The following CPN2 variants were observed in gnomAD, a reference collection of about 807,000 sequenced individuals.
CPN2 encodes carboxypeptidase N subunit 2.
For synonymous variants in CPN2, 336 were observed against 318.4 expected, an observed-to-expected ratio of 1.06 and a Z score of -0.59; for missense variants, 620 against 671.4, an observed-to-expected ratio of 0.92 and a Z score of 0.85.
At position 194,342,135 on chromosome 3, in the gene CPN2, G is replaced by A. The variant is rs112541673; in HGVS notation, c.568C>T (p.His190Tyr). The A allele has an allele frequency of 6.8e-6, 11 of 1,614,114 alleles. No individual in the cohort carries two copies. The African/African-American group carries it at 1.2e-4, about 18-fold the overall frequency. ...AGGGTCTGCAGGCTGGTGAGTGGGT[G>A]GAACAGCTCCTCCGGGAGCTGGGCC... ...LLAQLPEELF[H>Y]PLTSLQTLKL... Residue 190 changes from histidine to tyrosine, a missense_variant, in exon 2 of 2, where the codon CAC becomes TAC. His to Tyr is a moderately conservative substitution (Grantham distance 83). Coordinates refer to ENST00000323830, the MANE Select transcript of CPN2 (RefSeq NM_001080513.4).
Position 194,341,747 on chromosome 3 carries a change from A to G in CPN2, c.956T>C (p.Met319Thr), listed in dbSNP as rs1404745398. 2 of 1,614,114 alleles carry G rather than the reference A, an allele frequency of 1.2e-6. No homozygotes were observed. The highest frequency in any genetic ancestry group is 2.2e-5 in the South Asian group (2 of 91,084). The change falls in exon 2 of 2, where the codon ATG becomes ACG. Residue 319 changes from methionine to threonine, a missense_variant. Transcript: ENST00000323830. ...FAHLSNLRSLMLSYNAITHLP... is the reference protein window; with the variant it reads ...FAHLSNLRSLTLSYNAITHLP... ...GTGGGTAATGGCATTGTATGAGAGC[A>G]TGAGGGAACGCAGGTTGGACAGGTG...
At chr3:194,345,511 C>G (rs1260894997) in intron 1 of CPN2, among the ~76,000 whole-genome samples, 1 of 152,172 alleles carries the variant, frequency 6.6e-6, no homozygotes, top group East Asian at 1.9e-4. Flanking sequence ...TTTTACCATG[C>G]CATAATATGA....
chr3:194,347,772 T>TCTGCCCAGTTCAGCCCACCCCATCTG (rs1713104920), intron 1 of CPN2, among the ~76,000 whole-genome samples: 1 of 32,928 alleles, frequency 3.0e-5, no homozygotes, highest in Non-Finnish European at 6.1e-5. Flanking sequence ...CACCCCACCC[T>TCTGCCCAGTTCAGCCCACCCCATCTG]CTGCCCAGTT....
intron 1 of CPN2, among the ~76,000 whole-genome samples, chr3:194,350,389 G>A (rs181592733): frequency 1.4e-3 from 220 of 152,268 alleles, no homozygotes; most frequent in African/African-American, 5.0e-3. Flanking sequence ...CTTTAGCTCC[G>A]CCAGTGCCCC....
intron 1 of CPN2, among the ~76,000 whole-genome samples, chr3:194,346,653 A>G (rs1713058518): frequency 6.6e-6 from 1 of 152,174 alleles, no homozygotes; most frequent in African/African-American, 2.4e-5. Context: ...TCTTCCAAAC[A>G]ATGAGCACAC....
intron 1 of CPN2, among the ~76,000 whole-genome samples, chr3:194,345,677 G>T (rs544318005): frequency 1.3e-5 from 2 of 152,324 alleles, no homozygotes; most frequent in Admixed American, 1.3e-4. Context: ...GTGAGGCAAG[G>T]TCCCGGGGTC....
At position 194,341,500 on chromosome 3, in the gene CPN2, G is replaced by A. The variant is rs1338029284; in HGVS notation, c.1203C>T (p.Cys401=). 6.2e-7 allele frequency: 1 copy of A among 1,614,110 alleles called. No individual in the cohort carries two copies. Among genetic ancestry groups the A allele is most frequent in the East Asian group, 2.2e-5 (1 of 44,892 alleles). ...GCCAGTTGAAGAGGTAGGCCAGGTG[G>A]CAGTCGCACTGCCAGGGGTTACCGT... The part of the protein sequence containing the change: ...ALHGNPWQCD[C]HLAYLFNWLQ... The change falls in exon 2 of 2, where the codon TGC becomes TGT. Residue 401 remains cysteine (C), a synonymous_variant. Transcript: ENST00000323830.
intron 1 of CPN2, among the ~76,000 whole-genome samples, chr3:194,345,593 C>T (rs1023263193): frequency 2.6e-5 from 4 of 152,242 alleles, no homozygotes; most frequent in African/African-American, 9.6e-5. Flanking sequence ...CCAGAAAGTA[C>T]TCCCCTGGAG....
chr3:194,342,615 C>A lies in CPN2; in HGVS notation c.88G>T (p.Val30Phe), dbSNP rs9845073. 4 of 1,613,776 alleles carry A rather than the reference C, an allele frequency of 2.5e-6. No individual in the cohort carries two copies. Among genetic ancestry groups the A allele is most frequent in the South Asian group, 1.1e-5 (1 of 91,056 alleles). Residue 30 changes from valine (V) to phenylalanine (F), a missense_variant, in exon 2 of 2, where the codon GTC becomes TTC. Transcript: ENST00000323830. ...QPCPMGCDCF[V>F]QEVFCSDEEL... ...TCATCTGAGCAGAACACCTCCTGGA[C>A]GAAGCAGTCACAACCCATGGGACAG...
At chr3:194,351,195 C>G (rs1044189508) in intron 1 of CPN2, 47 bp downstream of exon 1, 3 of 152,320 alleles carry the variant, frequency 2.0e-5, no homozygotes, top group African/African-American at 2.4e-5. Flanking sequence ...TTCCTGCCCC[C>G]ACGTCCCTGC....
Position 194,341,546 on chromosome 3 carries a change from T to C in CPN2, c.1157A>G (p.Asn386Ser). ...ACCGTGCAGGGCCAGGTTGAACAGGTTGTAGTTGGTGTCGAAGATGCCCTC... is the reference window on the plus strand; with the variant it reads ...ACCGTGCAGGGCCAGGTTGAACAGGCTGTAGTTGGTGTCGAAGATGCCCTC... ...LPEGIFDTNYNLFNLALHGNP... is the reference protein window; with the variant it reads ...LPEGIFDTNYSLFNLALHGNP... The change falls in exon 2 of 2, where the codon AAC becomes AGC. Residue 386 changes from asparagine (N) to serine (S), a missense_variant. Physicochemically the swap from Asn to Ser is conservative, Grantham distance 46. Coordinates refer to ENST00000323830, the MANE Select transcript of CPN2 (RefSeq NM_001080513.4). The C allele has an allele frequency of 6.2e-7, 1 of 1,614,082 alleles. No individual in the cohort carries two copies. Among genetic ancestry groups the C allele is most frequent in the South Asian group, 1.1e-5 (1 of 91,086 alleles).
chr3:194,340,875 G>A lies in CPN2; in HGVS notation c.*190C>T, dbSNP rs183770920. On this transcript the variant is annotated 3_prime_UTR_variant, in exon 2 of 2. Coordinates refer to ENST00000323830, the MANE Select transcript of CPN2 (RefSeq NM_001080513.4). ...TTAGGCCGCACACTCCAGGAGAAGC[G>A]ATGAAGGAAGAGGAGGAGGAGACCC... The A allele has an allele frequency of 5.1e-5, 44 of 866,450 alleles. No homozygotes were observed. In the Admixed American group the frequency reaches 1.0e-3, roughly 20 times the overall value. 53.7% of individuals were successfully genotyped at this position (866,450 alleles called of 1,614,324 possible). A position where few individuals can be genotyped will look rare whatever the true frequency, so the allele number is the denominator to read the frequency against.
chr3:194,348,970 A>G (rs1268013641), intron 1 of CPN2, among the ~76,000 whole-genome samples: 1 of 152,252 alleles, frequency 6.6e-6, no homozygotes, highest in African/African-American at 2.4e-5. Context: ...GATGTTTGCA[A>G]TATCTTAAGT....
chr3:194,347,626 CCAGCCCACCCCACCCTCTGCCCAGTT>C (rs1220214899), intron 1 of CPN2, among the ~76,000 whole-genome samples: 2,220 of 149,858 alleles, frequency 0.015, 227 homozygotes, highest in African/African-American at 0.046. Context: ...CCTGCCTTGG[CCAGCCCACCCCACCCTCTGCCCAGTT>C]CAGCCCACCC....
chr3:194,343,773 TTAAG>T (rs1426252030), intron 1 of CPN2, among the ~76,000 whole-genome samples: 1 of 152,170 alleles, frequency 6.6e-6, no homozygotes, highest in African/African-American at 2.4e-5. Context: ...TTGTTAGGGA[TTAAG>T]TGAGTATATA....
intron 1 of CPN2, among the ~76,000 whole-genome samples, chr3:194,349,534 C>T: frequency 6.6e-6 from 1 of 151,340 alleles, no homozygotes; most frequent in Admixed American, 6.5e-5. Context: ...ATGTAAAATG[C>T]ACAGCACAGT....
At chr3:194,349,778 C>CTTTTTTTTTTTTTT (rs757478492) in intron 1 of CPN2, among the ~76,000 whole-genome samples, 7 of 65,538 alleles carry the variant, frequency 1.1e-4, no homozygotes, top group Admixed American at 4.5e-4. Context: ...CTACCCTCTT[C>CTTTTTTTTTTTTTT]TTTTTTTTTT....
chr3:194,345,978 C>G (rs986856720), intron 1 of CPN2, among the ~76,000 whole-genome samples: 5 of 152,252 alleles, frequency 3.3e-5, no homozygotes, highest in African/African-American at 1.2e-4. Context: ...CACAGAAAGT[C>G]TAGTACAGGC....
Position 194,341,610 on chromosome 3 carries a change from G to T in CPN2, c.1093C>A (p.Leu365Met). Residue 365 changes from leucine to methionine, a missense_variant, in exon 2 of 2, where the codon CTG becomes ATG. Coordinates refer to ENST00000323830, the MANE Select transcript of CPN2 (RefSeq NM_001080513.4). ...AGCTGGTTCTTGGAGAGGCTGAGCA[G>T]CTCCAGCTTGGACAGGTTCTGGAAG... is the stretch of plus-strand genomic sequence containing the variant. ...ALFQNLSKLE[L>M]LSLSKNQLTT... is the part of the protein sequence containing the mutation. The T allele has an allele frequency of 1.2e-6, 2 of 1,614,168 alleles. No individual in the cohort carries two copies. Among genetic ancestry groups the T allele is most frequent in the South Asian group, 1.1e-5 (1 of 91,088 alleles).
Sources: gnomAD v4.1 joint callset for allele counts (sites outside exome capture counted in the v4.1 genomes callset) on GRCh38, gnomAD v4.1.1 for gene constraint, MANE v1.5 for transcripts, NCBI Gene and HGNC (gene_info 2026-07-23, HGNC 2026-07-21) for gene names.